Variants in PTPRT observed in about 807,000 individuals in gnomAD.
PTPRT encodes the protein receptor-type tyrosine-protein phosphatase T.
PTPRT carries 56 observed loss-of-function variants against 176.8 expected under a neutral mutation model. The ratio of observed to expected loss-of-function variants is 0.32; its 90% CI spans 0.26 to 0.40. The LOEUF (loss-of-function observed/expected upper bound fraction) is 0.40, where lower values mean the gene tolerates loss of function less well. Among genes scored for constraint, PTPRT ranks in the 10% least tolerant of loss-of-function variants. The pLI is 1.00. For missense variants in PTPRT, 1,540 were observed against 1,908.2 expected, an observed-to-expected ratio of 0.81 and a Z score of 3.60; for synonymous variants, 783 against 739.0, an observed-to-expected ratio of 1.06 and a Z score of -0.96.
rs189687740 is a variant in PTPRT at position 42,161,896 on chromosome 20, G to A, written c.2492-354C>T. Among the ~76,000 whole-genome samples the A allele has an allele frequency of 8.1e-3, 1,227 of 152,258 alleles. 20 individuals are homozygous for A. Among genetic ancestry groups the A allele is most frequent in the African/African-American group, 0.028 (1,144 of 41,550 alleles). ...TTTATTGGGAGCCCCCTCCTGTTTC[G>A]GAAGCAGAGAGGCTGGAAATAGTGC... On this transcript the variant is annotated intron_variant, in intron 16 of 30. Transcript: ENST00000373187.
At chr20:42,716,081 G>C (rs557440560) in intron 6 of PTPRT, among the ~76,000 whole-genome samples, 1 of 152,242 alleles carries the variant, frequency 6.6e-6, no homozygotes, top group South Asian at 2.1e-4. Context: ...TCCACTCTTG[G>C]TGGCTGCTCC....
chr20:43,157,578 C>T (rs1315973729), intron 1 of PTPRT, among the ~76,000 whole-genome samples: 1 of 152,162 alleles, frequency 6.6e-6, no homozygotes, highest in African/African-American at 2.4e-5. Context: ...GAAGGAGACT[C>T]ACTAATTTTC....
intron 2 of PTPRT, among the ~76,000 whole-genome samples, chr20:42,841,389 G>C (rs6130236): frequency 0.12 from 18,074 of 152,016 alleles, 1,387 homozygotes; most frequent in East Asian, 0.34. Flanking sequence ...ACAACACTCA[G>C]GACAAACACA....
intron 13 of PTPRT, among the ~76,000 whole-genome samples, chr20:42,261,267 C>G (rs1267768724): frequency 6.6e-6 from 1 of 152,068 alleles, no homozygotes; most frequent in Non-Finnish European, 1.5e-5. Flanking sequence ...AATCACTGCC[C>G]CTGTTGTCAA....
At chr20:43,111,180 G>A (rs998678766) in intron 1 of PTPRT, among the ~76,000 whole-genome samples, 1 of 152,058 alleles carries the variant, frequency 6.6e-6, no homozygotes, top group African/African-American at 2.4e-5. Context: ...TGGGTACAAG[G>A]GGGTCCCCAC....
chr20:42,960,198 G>A (rs1464089091), intron 1 of PTPRT, among the ~76,000 whole-genome samples: 4 of 152,110 alleles, frequency 2.6e-5, no homozygotes, highest in African/African-American at 9.7e-5. Context: ...CATTTCTGCT[G>A]ATACAACAAA....
intron 1 of PTPRT, among the ~76,000 whole-genome samples, chr20:43,013,532 A>G (rs1461785570): frequency 6.6e-6 from 1 of 152,158 alleles, no homozygotes; most frequent in Admixed American, 6.5e-5. Flanking sequence ...GCTAAGACAG[A>G]AAGTGGGGGG....
chr20:42,295,223 A>G, intron 12 of PTPRT, among the ~76,000 whole-genome samples: 1 of 152,182 alleles, frequency 6.6e-6, no homozygotes, highest in East Asian at 1.9e-4. Context: ...AGCCAAAGAG[A>G]TTGAATAATG....
chr20:42,654,989 C>A (rs561456780), intron 7 of PTPRT, among the ~76,000 whole-genome samples: 1 of 152,170 alleles, frequency 6.6e-6, no homozygotes, highest in African/African-American at 2.4e-5. Context: ...AGACCTTCTT[C>A]AGCAATGACA....
intron 2 of PTPRT, among the ~76,000 whole-genome samples, chr20:42,849,841 G>A (rs1350555768): frequency 6.6e-6 from 1 of 152,158 alleles, no homozygotes; most frequent in Admixed American, 6.5e-5. Flanking sequence ...AAGAACTCCA[G>A]GTCTCCAGAT....
At chr20:42,291,286 T>A (rs1342452440) in intron 12 of PTPRT, among the ~76,000 whole-genome samples, 1 of 152,140 alleles carries the variant, frequency 6.6e-6, no homozygotes, top group Non-Finnish European at 1.5e-5. Flanking sequence ...GTACTGGAGC[T>A]ACAAATACGA....
the PTPRT span, among the ~76,000 whole-genome samples, chr20:42,067,718 T>G: frequency 3.4e-3 from 515 of 152,226 alleles, 2 homozygotes; most frequent in African/African-American, 0.012. Flanking sequence ...ATGAATCACT[T>G]TACATCAAGT....
intron 5 of PTPRT, among the ~76,000 whole-genome samples, chr20:42,760,969 G>A (rs1177331557): frequency 6.6e-6 from 1 of 152,198 alleles, no homozygotes; most frequent in Non-Finnish European, 1.5e-5. Context: ...TGTAAAAACA[G>A]TAGAAAGAGT....
chr20:42,037,549 G>A, the PTPRT span, among the ~76,000 whole-genome samples: 2,245 of 152,278 alleles, frequency 0.015, 50 homozygotes, highest in African/African-American at 0.05. Flanking sequence ...AGTGGCACCC[G>A]AGGGGCTAGA....
chr20:42,419,217 A>G (rs1287252227), intron 9 of PTPRT, among the ~76,000 whole-genome samples: 1 of 152,208 alleles, frequency 6.6e-6, no homozygotes, highest in African/African-American at 2.4e-5. Context: ...ACATAGGTCC[A>G]TCCCACCCAA....
chr20:42,805,158 G>A (rs947746171), intron 2 of PTPRT, among the ~76,000 whole-genome samples: 1 of 152,082 alleles, frequency 6.6e-6, no homozygotes, highest in African/African-American at 2.4e-5. Flanking sequence ...CAATACATGG[G>A]GAAACAAACA....
chr20:42,715,562 G>T (rs1266244186), intron 6 of PTPRT, among the ~76,000 whole-genome samples: 2 of 152,140 alleles, frequency 1.3e-5, no homozygotes, highest in South Asian at 2.1e-4. Context: ...GCAGAAGAAA[G>T]AGTCCTTGAA....
chr20:43,043,201 T>C (rs1053370921), intron 1 of PTPRT, among the ~76,000 whole-genome samples: 4 of 152,166 alleles, frequency 2.6e-5, no homozygotes, highest in Non-Finnish European at 5.9e-5. Flanking sequence ...AAATACACTG[T>C]ATCTGGCAGG....
chr20:42,979,990 T>TGG (rs34988665), intron 1 of PTPRT, among the ~76,000 whole-genome samples: 6 of 55,646 alleles, frequency 1.1e-4, no homozygotes, highest in Admixed American at 2.0e-4. Flanking sequence ...GAAGGGGGGG[T>TGG]GGGGGGGGGT....
Sources: gnomAD v4.1 joint callset for allele counts (sites outside exome capture counted in the v4.1 genomes callset) on GRCh38, gnomAD v4.1.1 for gene constraint, MANE v1.5 for transcripts, NCBI Gene and HGNC (gene_info 2026-07-23, HGNC 2026-07-21) for gene names.